CD160: variants seen among roughly 807,000 people sequenced by gnomAD.
CD160 encodes the protein CD160 molecule, also known as CD160 antigen.
CD160 carries 11 observed loss-of-function variants against 19.2 expected under a neutral mutation model. The observed-to-expected ratio is 0.57, with a 90% CI of 0.36 to 0.95. The LOEUF is 0.95. Among genes scored for constraint, CD160 ranks in the 40% least tolerant of loss-of-function variants. CD160 has a pLI of 0.01. For synonymous variants in CD160, 75 were observed against 81.1 expected, an observed-to-expected ratio of 0.93 and a Z score of 0.40; for missense variants, 182 against 213.2, an observed-to-expected ratio of 0.85 and a Z score of 0.91.
chr1:145,731,146 T>C, intron 4 of CD160, 76 bp downstream of exon 4: 1 of 1,178,564 alleles, frequency 8.5e-7, no homozygotes, highest in South Asian at 1.4e-5. Flanking sequence ...AACCAGATAG[T>C]TCAGGTCCTG....
intron 1 of CD160, among the ~76,000 whole-genome samples, chr1:145,722,582 T>G (rs1036874620): frequency 6.6e-6 from 1 of 151,822 alleles, no homozygotes; most frequent in Non-Finnish European, 1.5e-5. Flanking sequence ...AACTATTAAG[T>G]TTTTTTTGTT....
chr1:145,730,818 AAAG>A lies in CD160; in HGVS notation c.153_155del (p.Glu52del), dbSNP rs1317040264. The A allele has an allele frequency of 3.7e-6, 6 of 1,614,050 alleles. No individual in the cohort carries two copies. The African/African-American group carries it at 8.0e-5, about 22-fold the overall frequency. On this transcript the variant is annotated inframe_deletion, in exon 4 of 6. Coordinates refer to ENST00000369288, the MANE Select transcript of CD160 (RefSeq NM_007053.4). Reference sequence around the variant, plus strand: ...CTTAATCTGTACTGTATGGCATAAGAAAGAAGAGGCTGAGGGGTTTGTAGTGTT... The same window carrying A: ...CTTAATCTGTACTGTATGGCATAAGAAAGAGGCTGAGGGGTTTGTAGTGTT...
At chr1:145,733,871 G>C (rs1553709746) in intron 4 of CD160, among the ~76,000 whole-genome samples, 1 of 151,990 alleles carries the variant, frequency 6.6e-6, no homozygotes, top group African/African-American at 2.4e-5. Context: ...GCATCTCCCT[G>C]CAACTGACCA....
At chr1:145,726,582 C>G (rs1010282567) in intron 2 of CD160, among the ~76,000 whole-genome samples, 20 of 152,044 alleles carry the variant, frequency 1.3e-4, no homozygotes, top group Admixed American at 9.2e-4. Context: ...TGACGTTCCA[C>G]GGGTGGGGGC....
chr1:145,738,251 G>A (rs587735012), intron 5 of CD160: 5 of 341,840 alleles, frequency 1.5e-5, no homozygotes, highest in Middle Eastern at 4.8e-4. Flanking sequence ...AGCAAGGAGC[G>A]ATCAAAGGCT....
intron 2 of CD160, 97 bp from the exon 3 acceptor site, chr1:145,728,159 C>T (rs1220616232): frequency 2.2e-5 from 13 of 599,688 alleles, no homozygotes; most frequent in Non-Finnish European, 3.9e-5. Context: ...TCCTCTACCT[C>T]CATCATACTC....
intron 2 of CD160, 101 bp downstream of exon 2, chr1:145,725,007 T>TC (rs1656996574): frequency 6.6e-6 from 1 of 151,912 alleles, no homozygotes; most frequent in Admixed American, 6.6e-5. Flanking sequence ...CAAGTGATCC[T>TC]CCCACCTCGG....
In CD160 at chr1:145,736,234, C is replaced by T. The variant is rs782347809; in HGVS notation, c.538+100C>T. On this transcript the variant is annotated intron_variant, in intron 5 of 5. Coordinates refer to ENST00000369288, the MANE Select transcript of CD160 (RefSeq NM_007053.4). ...AGGAGGAGAAGGTTGGAAAGGATGT[C>T]CAGGGGGAGAGAAAAATGTTACTCA... is the stretch of plus-strand genomic sequence containing the variant. The T allele has an allele frequency of 6.3e-6, 10 of 1,581,580 alleles. 1 individual carries two copies. The Middle Eastern group carries it at 1.4e-3, about 214-fold the overall frequency.
At chr1:145,728,044 A>G (rs1039957046) in intron 2 of CD160, among the ~76,000 whole-genome samples, 9 of 152,140 alleles carry the variant, frequency 5.9e-5, no homozygotes, top group Non-Finnish European at 1.2e-4. Flanking sequence ...ATATGAGAAA[A>G]TAGCCTTTAG....
chr1:145,722,346 A>G lies in CD160; in HGVS notation c.-178-2455A>G, dbSNP rs1656884168. On this transcript the variant is annotated intron_variant, in intron 1 of 5. Coordinates refer to ENST00000369288, the MANE Select transcript of CD160 (RefSeq NM_007053.4). The stretch of plus-strand genomic sequence containing the variant: ...ATTAAGAGATTAAGAAACTTGCCCA[A>G]TATTACACAGATAGTTAAGTTTCAA... 3.3e-5 allele frequency among the ~76,000 whole-genome samples: 5 copies of G among 152,122 alleles called. No individual in the cohort carries two copies. The South Asian group carries it at 1.0e-3, about 32-fold the overall frequency.
intron 4 of CD160, among the ~76,000 whole-genome samples, chr1:145,733,475 C>T (rs1389687325): frequency 6.6e-6 from 1 of 152,072 alleles, no homozygotes; most frequent in Non-Finnish European, 1.5e-5. Flanking sequence ...TATAAATTAC[C>T]CACTCACCAC....
intron 1 of CD160, among the ~76,000 whole-genome samples, 169 bp downstream of exon 1, chr1:145,719,728 A>C (rs1656752821): frequency 6.6e-6 from 1 of 152,184 alleles, no homozygotes; most frequent in Admixed American, 6.5e-5. Context: ...TGCCCGCCAG[A>C]CCAGCATGCT....
intron 1 of CD160, among the ~76,000 whole-genome samples, chr1:145,722,622 T>C (rs758001807): frequency 6.6e-6 from 1 of 152,232 alleles, no homozygotes; most frequent in East Asian, 1.9e-4. Flanking sequence ...GACAGAATCT[T>C]GCTCTGTCGC....
At chr1:145,728,755 C>A (rs1029794974) in intron 3 of CD160, among the ~76,000 whole-genome samples, 1 of 151,934 alleles carries the variant, frequency 6.6e-6, no homozygotes, top group Non-Finnish European at 1.5e-5. Flanking sequence ...GATCCTCAGG[C>A]GCCCGGCTGA....
Position 145,738,589 on chromosome 1 carries a change from G to A in CD160, c.*96G>A. 2 of 736,288 alleles carry A rather than the reference G, an allele frequency of 2.7e-6. No homozygotes were observed. The highest frequency in any genetic ancestry group is 4.0e-6 in the Non-Finnish European group (2 of 495,928). The allele number at this position is 736,288 out of a possible 1,614,324, so 45.6% of individuals were successfully genotyped here. On this transcript the variant is annotated 3_prime_UTR_variant, in exon 6 of 6. Transcript: ENST00000369288. ...CATTACAATAGGCACAGAGAAGAATGCAACAGGGCACAGGGGAAGAGATGC... is the reference window on the plus strand; with the variant it reads ...CATTACAATAGGCACAGAGAAGAATACAACAGGGCACAGGGGAAGAGATGC...
intron 4 of CD160, 67 bp downstream of exon 4, chr1:145,731,137 AC>A: frequency 7.8e-7 from 1 of 1,274,806 alleles, no homozygotes; most frequent in Non-Finnish European, 1.1e-6. Context: ...TGGAGATGTA[AC>A]CAGATAGTTC....
intron 3 of CD160, among the ~76,000 whole-genome samples, chr1:145,730,271 G>A (rs587644992): frequency 5.3e-5 from 8 of 152,248 alleles, no homozygotes; most frequent in Non-Finnish European, 8.8e-5. Flanking sequence ...AGTGAGTTAC[G>A]ATTGTGCCAC....
At chr1:145,724,219 A>T (rs1382557372) in intron 1 of CD160, among the ~76,000 whole-genome samples, 1 of 152,142 alleles carries the variant, frequency 6.6e-6, no homozygotes, top group Non-Finnish European at 1.5e-5. Context: ...AAAACTTTTT[A>T]TTGCATTTCG....
At chr1:145,734,842 C>T (rs1553709877) in intron 4 of CD160, among the ~76,000 whole-genome samples, 2 of 152,168 alleles carry the variant, frequency 1.3e-5, no homozygotes, top group Non-Finnish European at 2.9e-5. Flanking sequence ...GGTGGTGGCT[C>T]ACGCCTGTAA....
Sources: allele counts gnomAD v4.1 joint callset (sites outside exome capture counted in the v4.1 genomes callset), GRCh38; gene constraint gnomAD v4.1.1; transcripts MANE v1.5; gene names NCBI Gene and HGNC (gene_info 2026-07-23, HGNC 2026-07-21).